Variants in LRRC49 observed in about 807,000 individuals in gnomAD.
The protein encoded by LRRC49 is leucine rich repeat containing 49, also known as leucine-rich repeat-containing protein 49.
In LRRC49, 50 loss-of-function variants were observed where a neutral mutation model predicts 83.3. That is an observed-to-expected ratio of 0.60 (90% CI 0.48 to 0.76). The LOEUF (loss-of-function observed/expected upper bound fraction) is 0.76, where lower values mean the gene tolerates loss of function less well. Ranked by LOEUF, LRRC49 falls within the 30% of genes least tolerant of loss-of-function variation. The probability of loss-of-function intolerance (pLI) is 0.00; values close to 1 mark genes in which losing one functional copy is unlikely to be tolerated. For missense variants in LRRC49, 704 were observed against 809.1 expected (o/e 0.87, Z 1.58); for synonymous variants, 286 against 283.3 (o/e 1.01, Z -0.10).
intron 8 of LRRC49, among the ~76,000 whole-genome samples, chr15:70,944,441 G>A (rs925761386): frequency 5.3e-5 from 8 of 151,772 alleles, no homozygotes; most frequent in Non-Finnish European, 1.0e-4. Flanking sequence ...TCACTGCTCT[G>A]TCGCCCAGGC....
chr15:71,000,464 T>A (rs1038951642), intron 11 of LRRC49, among the ~76,000 whole-genome samples: 1 of 152,194 alleles, frequency 6.6e-6, no homozygotes, highest in Non-Finnish European at 1.5e-5. Flanking sequence ...AATATAACAA[T>A]TTTTTACTTT....
chr15:71,042,731 TG>T (rs2039733915), intron 15 of LRRC49, among the ~76,000 whole-genome samples: 1 of 152,172 alleles, frequency 6.6e-6, no homozygotes, highest in African/African-American at 2.4e-5. Flanking sequence ...CTCTGTTGCT[TG>T]GTAGTTGTCC....
intron 10 of LRRC49, among the ~76,000 whole-genome samples, chr15:70,981,822 A>G (rs2037410060): frequency 6.6e-6 from 1 of 151,214 alleles, no homozygotes; most frequent in Non-Finnish European, 1.5e-5. Flanking sequence ...TGATCTTTAC[A>G]CTTTACTTTG....
intron 14 of LRRC49, among the ~76,000 whole-genome samples, chr15:71,024,915 T>C (rs1384268745): frequency 6.6e-6 from 1 of 152,038 alleles, no homozygotes; most frequent in Non-Finnish European, 1.5e-5. Flanking sequence ...CAAGTATCAA[T>C]AACTGAATAT....
At chr15:70,883,303 T>C (rs2033315800) in intron 2 of LRRC49, among the ~76,000 whole-genome samples, 1 of 152,182 alleles carries the variant, frequency 6.6e-6, no homozygotes, top group African/African-American at 2.4e-5. Context: ...GTGATTCTCC[T>C]GCCTCAGCTT....
At chr15:70,939,694 T>C (rs1291576836) in intron 8 of LRRC49, among the ~76,000 whole-genome samples, 2 of 152,172 alleles carry the variant, frequency 1.3e-5, no homozygotes, top group East Asian at 1.9e-4. Context: ...TTGCTTTTTA[T>C]TGTCACTTTG....
chr15:70,860,234 A>C (rs566483082), intron 1 of LRRC49: 113 of 618,452 alleles, frequency 1.8e-4, no homozygotes, highest in African/African-American at 1.8e-3. Context: ...GCCGCTGTGC[A>C]TGGTATCACA....
intron 8 of LRRC49, among the ~76,000 whole-genome samples, chr15:70,948,318 T>A (rs2036085094): frequency 6.6e-6 from 1 of 152,112 alleles, no homozygotes; most frequent in Non-Finnish European, 1.5e-5. Flanking sequence ...TAACTTTACT[T>A]CATTGCACTC....
At position 71,052,711 on chromosome 15, in the gene LRRC49, T is replaced by C. The variant is rs1333323025; in HGVS notation, c.*3099T>C. 1 of 152,130 alleles carries C rather than the reference T, an allele frequency of 6.6e-6. No homozygotes were observed. Among genetic ancestry groups the C allele is most frequent in the Non-Finnish European group, 1.5e-5 (1 of 68,024 alleles). The allele number at this position is 152,130 out of a possible 1,614,324, so 9.4% of individuals were successfully genotyped here. Reference sequence around the variant, plus strand: ...ATCTCCTAACACTGCGATATATATATGATAGCAATCCCATTTGAACACTAG... The same window carrying C: ...ATCTCCTAACACTGCGATATATATACGATAGCAATCCCATTTGAACACTAG... On this transcript the variant is annotated 3_prime_UTR_variant, in exon 16 of 16. Transcript: ENST00000260382.
chr15:70,980,251 G>C, intron 10 of LRRC49, 67 bp downstream of exon 10: 1 of 1,123,328 alleles, frequency 8.9e-7, no homozygotes, highest in African/African-American at 1.6e-5. Context: ...AAGCCAGCTA[G>C]CTAGTCTACT....
chr15:70,995,212 C>T (rs2141245182), intron 11 of LRRC49, among the ~76,000 whole-genome samples: 1 of 152,176 alleles, frequency 6.6e-6, no homozygotes, highest in African/African-American at 2.4e-5. Flanking sequence ...GAATTAAAAA[C>T]CAGAAGGTTT....
chr15:70,957,904 A>G (rs1456634579), intron 8 of LRRC49, among the ~76,000 whole-genome samples: 1 of 152,200 alleles, frequency 6.6e-6, no homozygotes, highest in Non-Finnish European at 1.5e-5. Flanking sequence ...TATTTTTTAT[A>G]GTTTAAAATT....
chr15:70,891,567 C>G (rs796152629), upstream of LRRC49, among the ~76,000 whole-genome samples: 165 of 137,142 alleles, frequency 1.2e-3, 2 homozygotes, highest in South Asian at 2.7e-3. Flanking sequence ...GGACAAGACT[C>G]TGTGTGTGTG....
chr15:71,032,020 G>A (rs2039372042), intron 14 of LRRC49, among the ~76,000 whole-genome samples: 1 of 152,096 alleles, frequency 6.6e-6, no homozygotes, highest in South Asian at 2.1e-4. Flanking sequence ...TCTCACTGGG[G>A]TTCCAGGCGC....
intron 8 of LRRC49, among the ~76,000 whole-genome samples, chr15:70,938,409 G>A (rs1408468103): frequency 6.6e-6 from 1 of 152,144 alleles, no homozygotes; most frequent in African/African-American, 2.4e-5. Context: ...AATTCTCTCT[G>A]TGATTGCTTT....
chr15:70,983,022 G>A (rs981671063), intron 10 of LRRC49, among the ~76,000 whole-genome samples: 7 of 152,070 alleles, frequency 4.6e-5, no homozygotes, highest in African/African-American at 1.7e-4. Context: ...GGTGAAGAGG[G>A]GTCAGTATCA....
chr15:71,008,534 C>T lies in LRRC49; in HGVS notation c.1325C>T (p.Thr442Ile), dbSNP rs2038540393. ...NWSVQTAGMI[T>I]TVSFTFIEFD... ...AGTGTTCAAACAGCAGGAATGATCA[C>T]AACAGTCTCCTTCACTTTCATAGAA... is the stretch of plus-strand genomic sequence containing the variant. The change falls in exon 12 of 16, where the codon ACA (threonine) becomes ATA (isoleucine). Residue 442 changes from threonine (T) to isoleucine (I), a missense_variant. Thr to Ile is a moderately conservative substitution (Grantham distance 89). Transcript: ENST00000260382. 1 of 1,612,542 alleles carries T rather than the reference C, an allele frequency of 6.2e-7. No individual in the cohort carries two copies. Among genetic ancestry groups the T allele is most frequent in the African/African-American group, 1.3e-5 (1 of 74,868 alleles).
At chr15:70,980,030 T>C in intron 9 of LRRC49, 71 bp from the exon 10 acceptor site, 1 of 933,502 alleles carries the variant, frequency 1.1e-6, no homozygotes, top group South Asian at 1.6e-5. Context: ...CTGTGCTTAA[T>C]AGGACCAATG....
In LRRC49 at chr15:70,978,355, G is replaced by A. The variant is rs533975162; in HGVS notation, c.922-1746G>A. The stretch of plus-strand genomic sequence containing the variant: ...GGAGTTTTGCAGGTGCTGTAGCAAG[G>A]TGAGAGAGAGAATAGTTGTATCATA... On this transcript the variant is annotated intron_variant, in intron 9 of 15. Transcript: ENST00000260382. Among the ~76,000 whole-genome samples, 14 of 152,272 alleles carry A rather than the reference G, an allele frequency of 9.2e-5. No homozygotes were observed. In the South Asian group the frequency reaches 2.1e-3, roughly 23 times the overall value.
Sources: allele counts gnomAD v4.1 joint callset (sites outside exome capture counted in the v4.1 genomes callset), GRCh38; gene constraint gnomAD v4.1.1; transcripts MANE v1.5; gene names NCBI Gene and HGNC (gene_info 2026-07-23, HGNC 2026-07-21).